The following ANO2 variants were observed in gnomAD, a reference collection of about 807,000 sequenced individuals.
ANO2 encodes anoctamin-2.
In ANO2, 101 loss-of-function variants were observed where a neutral mutation model predicts 124.2. The ratio of observed to expected loss-of-function variants is 0.81; its 90% CI spans 0.69 to 0.96. The LOEUF is 0.96. Among genes scored for constraint, ANO2 ranks in the 40% least tolerant of loss-of-function variants. The pLI is 0.00. For missense variants in ANO2, 1,293 were observed against 1,274.5 expected, an observed-to-expected ratio of 1.01 and a Z score of -0.22; for synonymous variants, 486 against 482.5, an observed-to-expected ratio of 1.01 and a Z score of -0.09.
At chr12:5,858,887 G>GT in intron 3 of ANO2, among the ~76,000 whole-genome samples, 1 of 152,322 alleles carries the variant, frequency 6.6e-6, no homozygotes, top group East Asian at 1.9e-4. Flanking sequence ...GATTAAAATT[G>GT]TGAGTGAGTA....
chr12:5,576,046 C>T (rs1316473713), intron 22 of ANO2, 31 bp from the exon 23 acceptor site: 4 of 1,561,020 alleles, frequency 2.6e-6, no homozygotes, highest in Middle Eastern at 1.7e-4. Context: ...CACTGAGTAG[C>T]CAGGATTGAT....
chr12:5,845,566 C>CAAAA (rs11354500), intron 4 of ANO2, among the ~76,000 whole-genome samples: 1 of 101,426 alleles, frequency 9.9e-6, no homozygotes, highest in African/African-American at 3.6e-5. Flanking sequence ...GACTACATCT[C>CAAAA]AAAAAAAAAA....
chr12:5,832,667 C>T (rs765217623), intron 4 of ANO2, 64 bp from the exon 5 acceptor site: 1 of 1,487,472 alleles, frequency 6.7e-7, no homozygotes, highest in Non-Finnish European at 9.0e-7. Context: ...AATGGCTTCA[C>T]AAAAAAAAGC....
chr12:5,899,499 T>G (rs1197685823), intron 3 of ANO2, among the ~76,000 whole-genome samples: 1 of 152,216 alleles, frequency 6.6e-6, no homozygotes, highest in African/African-American at 2.4e-5. Flanking sequence ...CAAGCCTCTG[T>G]TTCTGTAAAA....
Position 5,739,318 on chromosome 12 carries a change from T to C in ANO2, c.1433A>G (p.Glu478Gly). 6.3e-7 allele frequency: 1 copy of C among 1,598,724 alleles called. No homozygotes were observed. Among genetic ancestry groups the C allele is most frequent in the South Asian group, 1.1e-5 (1 of 87,622 alleles). ...TGAGAAATACGTGAGAGAACTCACT[T>C]CTTCCTCTTCTATGCCAGTCAGGTC... The part of the protein sequence containing the change: ...FWDLTGIEEE[E>G]EHSRPEYETK... The change falls in exon 13 of 25, where the codon GAA becomes GGA. Residue 478 changes from glutamate to glycine, a missense_variant and splice_region_variant. Physicochemically the swap from Glu to Gly is moderately conservative, Grantham distance 98 (BLOSUM62 -2). Coordinates refer to ENST00000682330, the MANE Select transcript of ANO2 (RefSeq NM_001364791.2).
intron 4 of ANO2, among the ~76,000 whole-genome samples, chr12:5,852,893 T>C (rs912916455): frequency 1.9e-5 from 2 of 103,846 alleles, no homozygotes; most frequent in Non-Finnish European, 4.2e-5. Context: ...GTGTGTGTGG[T>C]GTATATGAGA....
At chr12:5,570,102 C>A (rs1942014042) in intron 23 of ANO2, among the ~76,000 whole-genome samples, 1 of 152,134 alleles carries the variant, frequency 6.6e-6, no homozygotes, top group Admixed American at 6.5e-5. Context: ...TATGTTTTAG[C>A]TTTAAAATTA....
chr12:5,920,983 A>T, intron 3 of ANO2, 57 bp downstream of exon 3: 1 of 1,544,708 alleles, frequency 6.5e-7, no homozygotes, highest in Non-Finnish European at 8.8e-7. Flanking sequence ...GCTCACTAGG[A>T]GCCCGGTTCT....
intron 20 of ANO2, among the ~76,000 whole-genome samples, chr12:5,597,929 T>A (rs1337642355): frequency 6.6e-6 from 1 of 152,234 alleles, no homozygotes; most frequent in South Asian, 2.1e-4. Flanking sequence ...CAGGTCTTGA[T>A]ATTTTCTTTA....
At chr12:5,738,364 G>A (rs1021724579) in intron 13 of ANO2, among the ~76,000 whole-genome samples, 1 of 152,238 alleles carries the variant, frequency 6.6e-6, no homozygotes, top group African/African-American at 2.4e-5. Context: ...GAGCAGGCTT[G>A]TGTTCCATGC....
intron 20 of ANO2, among the ~76,000 whole-genome samples, chr12:5,582,067 A>G (rs566774564): frequency 7.4e-4 from 113 of 152,386 alleles, no homozygotes; most frequent in African/African-American, 2.6e-3. Context: ...TTCAGAGGAT[A>G]CAATGATACC....
intron 16 of ANO2, among the ~76,000 whole-genome samples, chr12:5,621,028 C>G (rs1398058984): frequency 1.3e-5 from 2 of 152,078 alleles, no homozygotes; most frequent in African/African-American, 2.4e-5. Context: ...ATTCTCATTC[C>G]CCTTAACTAC....
intron 4 of ANO2, among the ~76,000 whole-genome samples, chr12:5,852,960 C>T (rs938212921): frequency 6.6e-6 from 1 of 151,294 alleles, no homozygotes; most frequent in Non-Finnish European, 1.5e-5. Flanking sequence ...CCACAGTTCA[C>T]CCATGGTTAA....
chr12:5,826,820 TATC>T (rs1448637214), intron 7 of ANO2, among the ~76,000 whole-genome samples: 4 of 152,062 alleles, frequency 2.6e-5, no homozygotes, highest in Non-Finnish European at 2.9e-5. Flanking sequence ...ACATCATCAT[TATC>T]ATTGTTATTC....
intron 3 of ANO2, among the ~76,000 whole-genome samples, chr12:5,914,123 C>G (rs892001792): frequency 1.4e-4 from 21 of 152,056 alleles, no homozygotes; most frequent in African/African-American, 4.8e-4. Flanking sequence ...TCACTTGAAC[C>G]CGGGAGGCGG....
At chr12:5,615,337 T>A in intron 16 of ANO2, 40 bp from the exon 17 acceptor site, 2 of 1,483,602 alleles carry the variant, frequency 1.3e-6, no homozygotes, top group Non-Finnish European at 1.9e-6. Context: ...TGGGGTGAGA[T>A]TTCTCACCTC....
intron 14 of ANO2, among the ~76,000 whole-genome samples, chr12:5,684,693 C>A (rs1038720840): frequency 1.4e-4 from 22 of 152,190 alleles, no homozygotes; most frequent in African/African-American, 5.1e-4. Context: ...GCATGCCACA[C>A]CCCTCTGCAG....
intron 10 of ANO2, among the ~76,000 whole-genome samples, chr12:5,772,947 T>C (rs1363745954): frequency 6.6e-6 from 1 of 152,250 alleles, no homozygotes; most frequent in African/African-American, 2.4e-5. Flanking sequence ...TTGCTCCACC[T>C]GGCCTGTGCC....
chr12:5,585,688 T>A (rs932134261), intron 20 of ANO2, among the ~76,000 whole-genome samples: 2 of 152,246 alleles, frequency 1.3e-5, no homozygotes, highest in Admixed American at 1.3e-4. Flanking sequence ...AGGACAATTA[T>A]TCATTCATCC....
Sources: allele counts gnomAD v4.1 joint callset (sites outside exome capture counted in the v4.1 genomes callset), GRCh38; gene constraint gnomAD v4.1.1; transcripts MANE v1.5; gene names NCBI Gene and HGNC (gene_info 2026-07-23, HGNC 2026-07-21).